Variants in DGKH observed in about 807,000 individuals in gnomAD.
DGKH encodes the protein DAG kinase eta.
Under a neutral mutation model 159.3 loss-of-function variants are expected in DGKH, and 90 were observed. The observed-to-expected ratio is 0.57, with a 90% CI of 0.48 to 0.67. The LOEUF is 0.67. Ranked by LOEUF, DGKH falls within the 30% of genes least tolerant of loss-of-function variation. DGKH has a pLI of 0.00. For missense variants in DGKH, 1,181 were observed against 1,506.1 expected, an observed-to-expected ratio of 0.78 and a Z score of 3.57; for synonymous variants, 536 against 553.8, an observed-to-expected ratio of 0.97 and a Z score of 0.45.
intron 30 of DGKH, chr13:42,255,775 A>C: frequency 2.1e-6 from 1 of 477,076 alleles, no homozygotes; most frequent in Non-Finnish European, 3.7e-6. Context: ...AAGAAAATAT[A>C]AGGGAATATT....
chr13:42,160,789 T>C (rs1956162363), intron 7 of DGKH, among the ~76,000 whole-genome samples: 1 of 152,222 alleles, frequency 6.6e-6, no homozygotes, highest in Non-Finnish European at 1.5e-5. Context: ...TTTTGAGTCT[T>C]GTCTTTTAAC....
At chr13:42,213,946 G>A (rs749249637) in intron 24 of DGKH, among the ~76,000 whole-genome samples, 1 of 152,170 alleles carries the variant, frequency 6.6e-6, no homozygotes, top group Non-Finnish European at 1.5e-5. Context: ...CATGGATTCC[G>A]ATCCTGGCTC....
At chr13:42,133,975 T>A (rs1955346009) in intron 3 of DGKH, among the ~76,000 whole-genome samples, 1 of 152,186 alleles carries the variant, frequency 6.6e-6, no homozygotes, top group African/African-American at 2.4e-5. Flanking sequence ...CAGTTTGGTG[T>A]ATTATGGCTG....
chr13:42,150,927 A>G (rs553641928), intron 3 of DGKH, among the ~76,000 whole-genome samples: 1 of 152,146 alleles, frequency 6.6e-6, no homozygotes, highest in East Asian at 1.9e-4. Context: ...GCCCAGTGCA[A>G]TAAGAGGGAA....
chr13:42,116,774 TA>T (rs1286652020), intron 1 of DGKH, among the ~76,000 whole-genome samples: 2 of 152,210 alleles, frequency 1.3e-5, no homozygotes, highest in African/African-American at 4.8e-5. Flanking sequence ...GTATATAATT[TA>T]AAAGAGAAAT....
chr13:42,084,206 C>T (rs572907710), intron 1 of DGKH, among the ~76,000 whole-genome samples: 10 of 152,204 alleles, frequency 6.6e-5, no homozygotes, highest in East Asian at 3.9e-4. Context: ...AGTTTGTATA[C>T]GCTTACAGAT....
chr13:42,177,510 T>C (rs1244136879), intron 12 of DGKH, among the ~76,000 whole-genome samples: 2 of 152,218 alleles, frequency 1.3e-5, no homozygotes, highest in African/African-American at 2.4e-5. Flanking sequence ...GGTGTAGATA[T>C]AGAAGTTGAA....
At chr13:42,055,128 T>C (rs1881658931) in intron 1 of DGKH, among the ~76,000 whole-genome samples, 1 of 152,168 alleles carries the variant, frequency 6.6e-6, no homozygotes, top group African/African-American at 2.4e-5. Flanking sequence ...ATATGGCCCA[T>C]GGATATAGTC....
At chr13:42,091,258 A>G (rs1954411785) in intron 1 of DGKH, among the ~76,000 whole-genome samples, 1 of 152,190 alleles carries the variant, frequency 6.6e-6, no homozygotes, top group Non-Finnish European at 1.5e-5. Flanking sequence ...AGATTTAGCA[A>G]TGACTTCTTG....
intron 30 of DGKH, among the ~76,000 whole-genome samples, chr13:42,255,041 ATC>A (rs1160911570): frequency 1.3e-5 from 2 of 151,984 alleles, no homozygotes; most frequent in African/African-American, 4.8e-5. Context: ...GGTAAATAAA[ATC>A]TATTATTTTT....
rs1303093225 is a variant in DGKH, at chr13:42,240,511, T to C, written c.*11323T>C. ...TGTATACAGTCCACATAAATACATA[T>C]ACTGATTACCTACAGACAATAATGA... On this transcript the variant is annotated 3_prime_UTR_variant, in exon 30 of 30. Coordinates refer to ENST00000337343, the MANE Select transcript of DGKH (RefSeq NM_178009.5). The C allele has an allele frequency of 1.3e-5, 2 of 152,218 alleles. No homozygotes were observed. The highest frequency in any genetic ancestry group is 2.1e-4 in the South Asian group (1 of 4,834). The allele number at this position is 152,218 out of a possible 1,614,324, so 9.4% of individuals were successfully genotyped here.
Position 42,069,660 on chromosome 13 carries a change from A to G in DGKH, c.192+20695A>G, listed in dbSNP as rs114850269. ...ATTTTTCTTTGCTTTGTTCTTTCCA[A>G]TTGGAAAGATCTGTAATAAGCTTGG... On this transcript the variant is annotated intron_variant, in intron 1 of 29. Transcript: ENST00000337343. The G allele has an allele frequency of 2.9e-3, 3,707 of 1,259,628 alleles. 66 individuals carry two copies. The African/African-American group carries it at 0.046, about 16-fold the overall frequency. The allele number at this position is 1,259,628 out of a possible 1,614,324, so 78.0% of individuals were successfully genotyped here.
chr13:42,252,709 A>G (rs535753313), intron 30 of DGKH, among the ~76,000 whole-genome samples: 1 of 151,994 alleles, frequency 6.6e-6, no homozygotes, highest in South Asian at 2.1e-4. Flanking sequence ...GCAGAGACCT[A>G]TGGCAACTGA....
At chr13:42,053,375 A>G (rs1191974307) in intron 1 of DGKH, among the ~76,000 whole-genome samples, 1 of 147,468 alleles carries the variant, frequency 6.8e-6, no homozygotes, top group Admixed American at 6.8e-5. Flanking sequence ...TATATATATA[A>G]CTATATATAA....
chr13:42,048,623 G>C, upstream of DGKH: 1 of 1,028,122 alleles, frequency 9.7e-7, no homozygotes, highest in Non-Finnish European at 1.2e-6. The surrounding 1 kb of genome is among the most constrained non-coding windows in gnomAD (Gnocchi z 6.7). Flanking sequence ...TGCCCCGGGC[G>C]ACCCTTACCT....
intron 1 of DGKH, among the ~76,000 whole-genome samples, chr13:42,103,248 T>C (rs781299294): frequency 2.6e-5 from 4 of 152,242 alleles, no homozygotes; most frequent in Non-Finnish European, 5.9e-5. Context: ...TTCTTCTGCA[T>C]GTGGTGGTGC....
intron 1 of DGKH, chr13:42,069,634 G>C: frequency 7.1e-7 from 1 of 1,399,122 alleles, no homozygotes; most frequent in East Asian, 2.3e-5. Flanking sequence ...TTTCTTATCA[G>C]ATTTTTCTTT....
intron 29 of DGKH, 39 bp downstream of exon 29, chr13:42,221,433 T>G: frequency 6.2e-7 from 1 of 1,607,826 alleles, no homozygotes; most frequent in Non-Finnish European, 8.5e-7. Context: ...AAAATTTTAT[T>G]GCAAAACAGA....
Position 42,242,241 on chromosome 13 carries a change from T to A in DGKH, c.*13053T>A, listed in dbSNP as rs1472458749. The A allele has an allele frequency of 2.6e-5, 4 of 152,236 alleles. No individual in the cohort carries two copies. The highest frequency in any genetic ancestry group is 5.9e-5 in the Non-Finnish European group (4 of 68,032). 9.4% of individuals were successfully genotyped at this position (152,236 alleles called of 1,614,324 possible). ...AAACACAACAGTATAGTTCCTTTTG[T>A]CCCTTACATTGGAAAAGGTATTTTA... On this transcript the variant is annotated 3_prime_UTR_variant, in exon 30 of 30. Transcript: ENST00000337343.
Sources: allele counts gnomAD v4.1 joint callset (sites outside exome capture counted in the v4.1 genomes callset), GRCh38; gene constraint gnomAD v4.1.1; non-coding constraint Gnocchi (gnomAD v3.1); transcripts MANE v1.5; gene names NCBI Gene and HGNC (gene_info 2026-07-23, HGNC 2026-07-21).